CDK14: variants seen among roughly 807,000 people sequenced by gnomAD.
CDK14 encodes the protein cyclin dependent kinase 14.
CDK14 carries 34 observed loss-of-function variants against 60.7 expected under a neutral mutation model. The observed-to-expected ratio is 0.56, with a 90% CI of 0.43 to 0.75. The LOEUF is 0.75. Among genes scored for constraint, CDK14 ranks in the 30% least tolerant of loss-of-function variants. The pLI is 0.00. For synonymous variants in CDK14, 197 were observed against 203.7 expected, an observed-to-expected ratio of 0.97 and a Z score of 0.28; for missense variants, 482 against 564.1, an observed-to-expected ratio of 0.85 and a Z score of 1.47.
chr7:90,646,508 CAT>C (rs1309235355), intron 2 of CDK14, among the ~76,000 whole-genome samples: 1 of 152,080 alleles, frequency 6.6e-6, no homozygotes, highest in African/African-American at 2.4e-5. Flanking sequence ...AAAAATATAA[CAT>C]ATGCATATCA....
intron 9 of CDK14, among the ~76,000 whole-genome samples, chr7:90,963,576 C>G (rs901251281): frequency 5.9e-5 from 9 of 151,582 alleles, no homozygotes; most frequent in African/African-American, 2.2e-4. Context: ...GAAAGGGAGA[C>G]TCTCTAAAAG....
rs10265843 is a variant in CDK14, at chr7:91,153,913, A to G, written c.*28+35705A>G. On this transcript the variant is annotated intron_variant, in intron 14 of 14. Coordinates refer to ENST00000380050, the MANE Select transcript of CDK14 (RefSeq NM_001287135.2). ...TAAAAAAAGAAAATTAAGTTGACAA[A>G]AAAACAAAAGTATTTATAGTTGTGT... Among the ~76,000 whole-genome samples the G allele has an allele frequency of 7.1e-3, 1,082 of 152,310 alleles. 15 individuals are homozygous for G. The highest frequency in any genetic ancestry group is 0.024 in the African/African-American group (992 of 41,568).
chr7:91,127,353 T>C (rs1005239412), intron 14 of CDK14, among the ~76,000 whole-genome samples: 1 of 152,192 alleles, frequency 6.6e-6, no homozygotes, highest in African/African-American at 2.4e-5. Flanking sequence ...TCAAATGTTT[T>C]ATCTGGGCAA....
chr7:91,116,258 T>G (rs775304214), intron 13 of CDK14, among the ~76,000 whole-genome samples: 25 of 152,188 alleles, frequency 1.6e-4, no homozygotes, highest in Non-Finnish European at 2.6e-4. Context: ...TTTATTACAC[T>G]CATTTGCTAA....
intron 6 of CDK14, among the ~76,000 whole-genome samples, chr7:90,898,951 A>G (rs1347232662): frequency 4.6e-5 from 7 of 151,460 alleles, no homozygotes; most frequent in Non-Finnish European, 8.8e-5. Context: ...GATAATTGAC[A>G]TTATAATTGC....
intron 7 of CDK14, among the ~76,000 whole-genome samples, chr7:90,907,734 T>C (rs1474862749): frequency 3.9e-5 from 6 of 152,142 alleles, no homozygotes; most frequent in African/African-American, 9.6e-5. Flanking sequence ...TCAATAGATA[T>C]ATTAATTAAA....
rs549327199 is a variant in CDK14, at chr7:90,933,691, A to T, written c.826+15967A>T. ...ACCTAAAGAATTATTTTCAAGGTCC[A>T]AATAGGATTTCATGAAGTTTTAAGA... On this transcript the variant is annotated intron_variant, in intron 8 of 14. Coordinates refer to ENST00000380050, the MANE Select transcript of CDK14 (RefSeq NM_001287135.2). Among the ~76,000 whole-genome samples the T allele has an allele frequency of 3.3e-5, 5 of 152,352 alleles. No homozygotes were observed. The East Asian group carries it at 9.7e-4, about 29-fold the overall frequency.
intron 12 of CDK14, 115 bp downstream of exon 12, chr7:91,079,595 C>T: frequency 1.3e-6 from 1 of 778,624 alleles, no homozygotes; most frequent in South Asian, 1.5e-5. Flanking sequence ...TTTATTCATT[C>T]ATTTAACCAT....
intron 14 of CDK14, among the ~76,000 whole-genome samples, chr7:91,182,619 A>G (rs1273929778): frequency 6.6e-6 from 1 of 152,100 alleles, no homozygotes; most frequent in East Asian, 1.9e-4. Flanking sequence ...TTATAATATA[A>G]GCAAGTACGT....
intron 5 of CDK14, among the ~76,000 whole-genome samples, chr7:90,818,013 G>C (rs1186548787): frequency 6.6e-6 from 1 of 152,100 alleles, no homozygotes; most frequent in African/African-American, 2.4e-5. Flanking sequence ...TTAAAGCACA[G>C]CTCTTAACAC....
At chr7:91,131,964 C>T (rs921879578) in intron 14 of CDK14, among the ~76,000 whole-genome samples, 4 of 151,726 alleles carry the variant, frequency 2.6e-5, no homozygotes, top group African/African-American at 9.7e-5. Context: ...ACCAACTCAC[C>T]ATACACCAAT....
chr7:90,897,132 G>T (rs532748654), intron 6 of CDK14, among the ~76,000 whole-genome samples: 1 of 151,994 alleles, frequency 6.6e-6, no homozygotes, highest in Non-Finnish European at 1.5e-5. Context: ...CCTATTGTTA[G>T]GTGTGCAAAT....
intron 2 of CDK14, among the ~76,000 whole-genome samples, chr7:90,616,488 T>A (rs1799651838): frequency 6.6e-6 from 1 of 152,174 alleles, no homozygotes; most frequent in South Asian, 2.1e-4. Flanking sequence ...AAAGGCAGAC[T>A]ATTTAATCTT....
At position 90,680,332 on chromosome 7, in the gene CDK14, T is replaced by C. The variant is rs542380584; in HGVS notation, c.124-46235T>C. On this transcript the variant is annotated intron_variant, in intron 2 of 14. Transcript: ENST00000380050. ...ATTAGACATAGCTTCTAGTATCTGATTTAAAGTTACTCAGTTTAGTTTAAT... is the reference window on the plus strand; with the variant it reads ...ATTAGACATAGCTTCTAGTATCTGACTTAAAGTTACTCAGTTTAGTTTAAT... Among the ~76,000 whole-genome samples, 4 of 152,320 alleles carry C rather than the reference T, an allele frequency of 2.6e-5. No homozygotes were observed. In the East Asian group the frequency reaches 7.7e-4, roughly 29 times the overall value.
At chr7:90,601,210 T>G (rs1244418179) in intron 1 of CDK14, among the ~76,000 whole-genome samples, 2 of 152,258 alleles carry the variant, frequency 1.3e-5, no homozygotes, top group Non-Finnish European at 2.9e-5. Flanking sequence ...TGCTTGTTAC[T>G]CCATGAAATC....
At chr7:90,758,399 G>T (rs969818563) in intron 4 of CDK14, among the ~76,000 whole-genome samples, 2 of 152,012 alleles carry the variant, frequency 1.3e-5, no homozygotes. Context: ...CTAAATTCCT[G>T]TAGCATTTAA....
At chr7:90,948,277 A>G (rs906750203) in intron 8 of CDK14, among the ~76,000 whole-genome samples, 1 of 152,236 alleles carries the variant, frequency 6.6e-6, no homozygotes, top group Non-Finnish European at 1.5e-5. Flanking sequence ...AGCAGAAACT[A>G]GAAAATGAGA....
intron 2 of CDK14, among the ~76,000 whole-genome samples, chr7:90,642,365 T>G (rs1020817032): frequency 2.0e-5 from 3 of 152,154 alleles, no homozygotes; most frequent in Non-Finnish European, 4.4e-5. Flanking sequence ...TTTCAGTAAG[T>G]TAATGTGGGA....
Position 90,867,889 on chromosome 7 carries a change from G to A in CDK14, c.639+4620G>A, listed in dbSNP as rs184477519. ...TCCTGTGATCCCAGCACTTTGGAAAGTGGAGGTGGGCGGATTGCTTGAGGC... is the reference window on the plus strand; with the variant it reads ...TCCTGTGATCCCAGCACTTTGGAAAATGGAGGTGGGCGGATTGCTTGAGGC... On this transcript the variant is annotated intron_variant, in intron 6 of 14. Coordinates refer to ENST00000380050, the MANE Select transcript of CDK14 (RefSeq NM_001287135.2). Among the ~76,000 whole-genome samples, 47 of 152,194 alleles carry A rather than the reference G, an allele frequency of 3.1e-4. No individual in the cohort carries two copies. The East Asian group carries it at 6.2e-3, about 20-fold the overall frequency.
Sources: allele counts gnomAD v4.1 joint callset (sites outside exome capture counted in the v4.1 genomes callset), GRCh38; gene constraint gnomAD v4.1.1; transcripts MANE v1.5; gene names NCBI Gene and HGNC (gene_info 2026-07-23, HGNC 2026-07-21).